The following SNX30 variants were observed in gnomAD, a reference collection of about 807,000 sequenced individuals.
SNX30 encodes the protein sorting nexin-30.
SNX30 carries 24 observed loss-of-function variants against 46.4 expected under a neutral mutation model. That is an observed-to-expected ratio of 0.52 (90% CI 0.37 to 0.73). The LOEUF is 0.73. SNX30 is among the 30% of genes least tolerant of loss of function. The pLI, the probability that SNX30 is intolerant of heterozygous loss-of-function variation, is 0.00. For missense variants in SNX30, 533 were observed against 555.7 expected (o/e 0.96, Z 0.41); for synonymous variants, 189 against 211.5 (o/e 0.89, Z 0.92).
At chr9:112,770,676 G>A (rs1839634457) in intron 1 of SNX30, among the ~76,000 whole-genome samples, 1 of 151,414 alleles carries the variant, frequency 6.6e-6, no homozygotes, top group Admixed American at 6.6e-5. Context: ...TTTCATTCAG[G>A]CCTCCCCCAA....
intron 3 of SNX30, among the ~76,000 whole-genome samples, chr9:112,818,288 G>A (rs111456480): frequency 0.013 from 1,911 of 147,390 alleles, 52 homozygotes; most frequent in African/African-American, 0.045. Context: ...TGCAACCTCC[G>A]ACTCCCAGGT....
chr9:112,776,351 G>T (rs1466370497), intron 1 of SNX30, among the ~76,000 whole-genome samples: 1 of 151,846 alleles, frequency 6.6e-6, no homozygotes. Flanking sequence ...ATTCTATCCT[G>T]GTGTTTCTAC....
intron 1 of SNX30, among the ~76,000 whole-genome samples, chr9:112,804,290 G>A (rs948013029): frequency 6.6e-6 from 1 of 152,080 alleles, no homozygotes; most frequent in East Asian, 1.9e-4. Flanking sequence ...TCAGCTTCCC[G>A]AGTAGCTGGG....
In SNX30 at chr9:112,868,984, C is replaced by T. The variant is rs1375585400; in HGVS notation, c.*141C>T. 3.8e-6 allele frequency: 3 copies of T among 783,758 alleles called. No individual in the cohort carries two copies. The African/African-American group carries it at 5.1e-5, about 13-fold the overall frequency. The allele number at this position is 783,758 out of a possible 1,614,324, so 48.6% of individuals were successfully genotyped here. A position where few individuals can be genotyped will look rare whatever the true frequency, so the allele number is the denominator to read the frequency against. ...CCTTTGTGTATTTTTCCCTCCCCCACCTTTCACCCCACAGTGGTTTTCAAT... is the reference window on the plus strand; with the variant it reads ...CCTTTGTGTATTTTTCCCTCCCCCATCTTTCACCCCACAGTGGTTTTCAAT... On this transcript the variant is annotated 3_prime_UTR_variant, in exon 9 of 9. Transcript: ENST00000374232.
chr9:112,830,829 G>T lies in SNX30; in HGVS notation c.564G>T (p.Thr188=). ...TGGATAAATTTCTAAAAAGAATTAC[G>T]GACCATCCTGTGCTGTCTTTCAATG... The part of the protein sequence containing the change: ...KALDKFLKRI[T]DHPVLSFNEH... Residue 188 remains threonine (T), a synonymous_variant, in exon 4 of 9, where the codon ACG becomes ACT. Coordinates refer to ENST00000374232, the MANE Select transcript of SNX30 (RefSeq NM_001012994.2). The T allele has an allele frequency of 6.2e-7, 1 of 1,613,862 alleles. No individual in the cohort carries two copies. Among genetic ancestry groups the T allele is most frequent in the Non-Finnish European group, 8.5e-7 (1 of 1,179,940 alleles).
chr9:112,860,879 C>T lies in SNX30; in HGVS notation c.1102-3368C>T, dbSNP rs532243236. ...TAATATTGATACTGATATGAGCTAA[C>T]AAATGTTTATTGAGCACTTACTATA... is the stretch of plus-strand genomic sequence containing the variant. On this transcript the variant is annotated intron_variant, in intron 7 of 8. Transcript: ENST00000374232. Among the ~76,000 whole-genome samples, 14 of 152,276 alleles carry T rather than the reference C, an allele frequency of 9.2e-5. No individual in the cohort carries two copies. The East Asian group carries it at 2.7e-3, about 29-fold the overall frequency.
At chr9:112,791,530 G>T (rs954039839) in intron 1 of SNX30, among the ~76,000 whole-genome samples, 20 of 144,584 alleles carry the variant, frequency 1.4e-4, no homozygotes, top group African/African-American at 5.1e-4. Flanking sequence ...TCCTGCCTCA[G>T]TCTCCCAAGT....
chr9:112,834,076 A>G (rs1264536372), intron 4 of SNX30, among the ~76,000 whole-genome samples: 1 of 151,584 alleles, frequency 6.6e-6, no homozygotes, highest in African/African-American at 2.4e-5. Context: ...TGTTCCAGAA[A>G]AACTCTCAAA....
At chr9:112,761,142 C>T (rs541107867) in intron 1 of SNX30, among the ~76,000 whole-genome samples, 2 of 149,922 alleles carry the variant, frequency 1.3e-5, no homozygotes, top group Admixed American at 6.8e-5. Flanking sequence ...GTAGCTAGTC[C>T]TAGAGGGCGT....
In SNX30 at chr9:112,874,297, G is replaced by A. The variant is rs560049975; in HGVS notation, c.*5454G>A. ...CCTGAAGTTTGGATGAAGTCTGGTG[G>A]ATTCCCTGTCTGTTGTATTTCTGTG... On this transcript the variant is annotated 3_prime_UTR_variant, in exon 9 of 9. Coordinates refer to ENST00000374232, the MANE Select transcript of SNX30 (RefSeq NM_001012994.2). The A allele has an allele frequency of 1.3e-5, 2 of 152,308 alleles. No individual in the cohort carries two copies. The highest frequency in any genetic ancestry group is 2.9e-5 in the Non-Finnish European group (2 of 68,050). 9.4% of individuals were successfully genotyped at this position (152,308 alleles called of 1,614,324 possible).
At chr9:112,842,093 A>G (rs1243682607) in intron 6 of SNX30, among the ~76,000 whole-genome samples, 1 of 152,202 alleles carries the variant, frequency 6.6e-6, no homozygotes, top group East Asian at 1.9e-4. Context: ...AGAGGTGCAC[A>G]TCACCACGCC....
downstream of SNX30, among the ~76,000 whole-genome samples, chr9:112,882,152 G>A (rs987804538): frequency 6.6e-6 from 1 of 152,116 alleles, no homozygotes; most frequent in Non-Finnish European, 1.5e-5. Context: ...TGTCACCCAG[G>A]CTGAAGCACA....
intron 7 of SNX30, among the ~76,000 whole-genome samples, chr9:112,862,450 G>A (rs571569164): frequency 2.0e-5 from 3 of 152,284 alleles, no homozygotes; most frequent in African/African-American, 7.2e-5. Flanking sequence ...ACACTGGCTC[G>A]CTGGGCATCT....
At chr9:112,758,118 A>G (rs1839379430) in intron 1 of SNX30, among the ~76,000 whole-genome samples, 1 of 152,164 alleles carries the variant, frequency 6.6e-6, no homozygotes, top group South Asian at 2.1e-4. Flanking sequence ...CCCTTCTTCA[A>G]ATTTCAGAAT....
chr9:112,795,079 A>G (rs1170899850), intron 1 of SNX30, among the ~76,000 whole-genome samples: 4 of 152,100 alleles, frequency 2.6e-5, no homozygotes, highest in Non-Finnish European at 4.4e-5. Flanking sequence ...TCTCAATGCA[A>G]TTTTTATTTT....
At chr9:112,845,031 C>A (rs959935527) in intron 6 of SNX30, among the ~76,000 whole-genome samples, 6 of 152,168 alleles carry the variant, frequency 3.9e-5, no homozygotes, top group Non-Finnish European at 8.8e-5. Flanking sequence ...TGGCTAATTT[C>A]TTGCAGCTAA....
intron 1 of SNX30, among the ~76,000 whole-genome samples, chr9:112,795,919 T>C (rs1840102058): frequency 6.6e-6 from 1 of 152,076 alleles, no homozygotes; most frequent in Non-Finnish European, 1.5e-5. Flanking sequence ...CTTCAAAGTA[T>C]TGAGAAGGGT....
intron 1 of SNX30, among the ~76,000 whole-genome samples, chr9:112,775,100 A>G (rs1003302444): frequency 6.6e-6 from 1 of 150,844 alleles, no homozygotes; most frequent in Non-Finnish European, 1.5e-5. Flanking sequence ...CCTGCCTCCC[A>G]AAGTGCTGTG....
chr9:112,844,424 G>A (rs1840906135), intron 6 of SNX30, among the ~76,000 whole-genome samples: 1 of 152,172 alleles, frequency 6.6e-6, no homozygotes, highest in Non-Finnish European at 1.5e-5. Context: ...ATTAGTGTAT[G>A]AATGGTGTTT....
Sources: gnomAD v4.1 joint callset for allele counts (sites outside exome capture counted in the v4.1 genomes callset) on GRCh38, gnomAD v4.1.1 for gene constraint, MANE v1.5 for transcripts, NCBI Gene and HGNC (gene_info 2026-07-23, HGNC 2026-07-21) for gene names.